Variants in WDR93 observed in about 807,000 individuals in gnomAD.
WDR93 encodes the protein WD repeat-containing protein 93.
WDR93 carries 73 observed loss-of-function variants against 82.9 expected under a neutral mutation model. The observed-to-expected ratio is 0.88, with a 90% CI of 0.73 to 1.07. The LOEUF (loss-of-function observed/expected upper bound fraction) is 1.07, where lower values mean the gene tolerates loss of function less well. WDR93 is among the 50% of genes least tolerant of loss of function. The pLI, the probability that WDR93 is intolerant of heterozygous loss-of-function variation, is 0.00. For missense variants in WDR93, 738 were observed against 826.0 expected (o/e 0.89, Z 1.31); for synonymous variants, 283 against 300.1 (o/e 0.94, Z 0.59).
intron 4 of WDR93, among the ~76,000 whole-genome samples, chr15:89,706,570 T>G (rs1965737967): frequency 1.3e-5 from 2 of 152,038 alleles, no homozygotes; most frequent in African/African-American, 4.8e-5. Context: ...AAAACAAATA[T>G]GGAAAAATGA....
Position 89,734,014 on chromosome 15 carries a change from C to T in WDR93, c.1544+795C>T, listed in dbSNP as rs541861679. On this transcript the variant is annotated intron_variant, in intron 13 of 16. Coordinates refer to ENST00000268130, the MANE Select transcript of WDR93 (RefSeq NM_020212.2). ...TATAATGTGTGTGTGTGTGTGTGTG[C>T]GCGCGCGCATGTGTGTACGTGTGTG... Among the ~76,000 whole-genome samples the T allele has an allele frequency of 1.4e-3, 197 of 140,456 alleles. 2 individuals are homozygous for T. The highest frequency in any genetic ancestry group is 0.011 in the Middle Eastern group (3 of 284). The allele number at this position is 140,456 out of a possible 152,430, so 92.1% of individuals were successfully genotyped here.
At chr15:89,733,993 ATGTGTG>A (rs527967695) in intron 13 of WDR93, among the ~76,000 whole-genome samples, 1 of 149,206 alleles carries the variant, frequency 6.7e-6, no homozygotes, top group Non-Finnish European at 1.5e-5. Flanking sequence ...AACCTGTATA[ATGTGTG>A]TGTGTGTGTG....
At chr15:89,716,093 C>T (rs1966239137) in intron 6 of WDR93, among the ~76,000 whole-genome samples, 1 of 152,196 alleles carries the variant, frequency 6.6e-6, no homozygotes, top group Admixed American at 6.5e-5. Context: ...GTTACATTCA[C>T]TGCTGAGCTC....
Position 89,698,105 on chromosome 15 carries a change from C to T in WDR93, c.-40-3602C>T, listed in dbSNP as rs551030122. Among the ~76,000 whole-genome samples, 95 of 151,868 alleles carry T rather than the reference C, an allele frequency of 6.3e-4. 3 individuals carry two copies. The Middle Eastern group carries it at 0.01, about 16-fold the overall frequency. ...CTCACCGTGTTAGCCAGGATGGTCT[C>T]GATCTTCTGACCTCGTGATCCGCCC... On this transcript the variant is annotated intron_variant, in intron 1 of 16. Coordinates refer to ENST00000268130, the MANE Select transcript of WDR93 (RefSeq NM_020212.2).
chr15:89,725,308 A>C (rs1966688994), intron 8 of WDR93, among the ~76,000 whole-genome samples: 1 of 152,220 alleles, frequency 6.6e-6, no homozygotes, highest in South Asian at 2.1e-4. Flanking sequence ...CATGAACAAT[A>C]TTGAGCAAAA....
intron 8 of WDR93, among the ~76,000 whole-genome samples, chr15:89,723,002 C>G (rs1245883484): frequency 6.6e-6 from 1 of 151,744 alleles, no homozygotes; most frequent in African/African-American, 2.4e-5. Flanking sequence ...CTCAGGAGTT[C>G]AAGACCAGCT....
At chr15:89,690,996 C>T (rs940199806) in intron 1 of WDR93, 139 bp downstream of exon 1, 4 of 189,898 alleles carry the variant, frequency 2.1e-5, no homozygotes, top group Non-Finnish European at 4.4e-5. Flanking sequence ...TGCCTGACGC[C>T]TCCCCGCAGA....
rs772565628 is a variant in WDR93 at position 89,705,570 on chromosome 15, T to C, written c.513T>C (p.Phe171=). The change falls in exon 4 of 17, where the codon TTT becomes TTC. Residue 171 remains phenylalanine (F), a synonymous_variant. Transcript: ENST00000268130. The part of the protein sequence containing the change: ...PVDEMGIIRL[F]YFYKEGLYLV... ...CTGTTTCAGGTATCATTAGACTCTT[T>C]TATTTTTATAAGGAAGGACTTTACC... 1 of 1,554,280 alleles carries C rather than the reference T, an allele frequency of 6.4e-7. No individual in the cohort carries two copies. Among genetic ancestry groups the C allele is most frequent in the East Asian group, 2.2e-5 (1 of 44,730 alleles).
Position 89,728,991 on chromosome 15 carries a change from A to G in WDR93, c.1053-32A>G, listed in dbSNP as rs766478684. 6 of 1,593,646 alleles carry G rather than the reference A, an allele frequency of 3.8e-6. No individual in the cohort carries two copies. The African/African-American group carries it at 4.0e-5, about 11-fold the overall frequency. ...CAGCTCTCCTTGCCAGGGAGTCTAC[A>G]TGGCTCTGACTCGTGTGTCTTTCTT... On this transcript the variant is annotated intron_variant, in intron 9 of 16. Transcript: ENST00000268130.
Position 89,737,608 on chromosome 15 carries a change from T to G in WDR93, c.1644T>G (p.Leu548=). The change falls in exon 15 of 17, where the codon CTT becomes CTG. Residue 548 remains leucine, a synonymous_variant. Transcript: ENST00000268130. ...TTTCCAAGAATGGCTCTGTGTGCCT[T>G]ATGGATGTGGCCAAGCGTGAAATCA... The part of the protein sequence containing the change: ...LIFSKNGSVC[L]MDVAKREIIC... 6.2e-7 allele frequency: 1 copy of G among 1,614,220 alleles called. No individual in the cohort carries two copies. Among genetic ancestry groups the G allele is most frequent in the Non-Finnish European group, 8.5e-7 (1 of 1,180,042 alleles).
chr15:89,692,756 G>A (rs1022371542), intron 1 of WDR93, among the ~76,000 whole-genome samples: 21 of 152,058 alleles, frequency 1.4e-4, no homozygotes, highest in Admixed American at 1.3e-4. Flanking sequence ...ACAGGCATGC[G>A]CCACCACGCA....
At chr15:89,715,158 A>C in intron 6 of WDR93, 63 bp downstream of exon 6, 1 of 1,453,128 alleles carries the variant, frequency 6.9e-7, no homozygotes, top group Non-Finnish European at 9.4e-7. Context: ...CATCTAGCCC[A>C]AGTCCTTGGA....
chr15:89,722,268 T>C (rs1316877571), intron 8 of WDR93, 129 bp downstream of exon 8: 1 of 751,252 alleles, frequency 1.3e-6, no homozygotes, highest in East Asian at 2.9e-5. Flanking sequence ...GAAGAGGAAA[T>C]TTTTTTTAAA....
In WDR93 at chr15:89,715,862, G is replaced by A. The variant is rs1041199694; in HGVS notation, c.756+767G>A. 5.3e-5 allele frequency among the ~76,000 whole-genome samples: 8 copies of A among 152,312 alleles called. No homozygotes were observed. In the East Asian group the frequency reaches 9.6e-4, roughly 18 times the overall value. ...GCCTCCCAAAGTGCTGGGATTACAG[G>A]CATGAGCCATCGCACCCGGCCTGTG... is the stretch of plus-strand genomic sequence containing the variant. On this transcript the variant is annotated intron_variant, in intron 6 of 16. Coordinates refer to ENST00000268130, the MANE Select transcript of WDR93 (RefSeq NM_020212.2).
upstream of WDR93, chr15:89,690,645 A>T: frequency 6.5e-7 from 1 of 1,549,916 alleles, no homozygotes; most frequent in Non-Finnish European, 8.7e-7. Flanking sequence ...CTTCTAGCCC[A>T]AAGGCCACGA....
chr15:89,690,722 G>T, upstream of WDR93: 3 of 919,998 alleles, frequency 3.3e-6, no homozygotes, highest in Non-Finnish European at 3.3e-6. Flanking sequence ...TCAGTCCCAG[G>T]TTATCCGCTG....
intron 1 of WDR93, among the ~76,000 whole-genome samples, chr15:89,695,644 C>T (rs184164498): frequency 1.3e-5 from 2 of 152,148 alleles, no homozygotes; most frequent in East Asian, 1.9e-4. Context: ...GTATATTGAA[C>T]TTGTATCTTA....
chr15:89,699,034 A>T (rs897422531), intron 1 of WDR93, among the ~76,000 whole-genome samples: 140 of 151,782 alleles, frequency 9.2e-4, no homozygotes, highest in African/African-American at 7.0e-4. Flanking sequence ...ATTAAAAAAA[A>T]TTTTTTTTAT....
intron 1 of WDR93, among the ~76,000 whole-genome samples, chr15:89,691,722 A>T (rs1206220645): frequency 6.6e-6 from 1 of 150,622 alleles, no homozygotes; most frequent in South Asian, 2.1e-4. Flanking sequence ...GCTGTCTCAA[A>T]AAAATAAAAT....
Sources: gnomAD v4.1 joint callset for allele counts (sites outside exome capture counted in the v4.1 genomes callset) on GRCh38, gnomAD v4.1.1 for gene constraint, MANE v1.5 for transcripts, NCBI Gene and HGNC (gene_info 2026-07-23, HGNC 2026-07-21) for gene names.